The following P2RX3 variants were observed in gnomAD, a reference collection of about 807,000 sequenced individuals.
P2RX3 encodes purinergic receptor P2X 3, also known as P2X purinoceptor 3.
In P2RX3, 41 loss-of-function variants were observed where a neutral mutation model predicts 51.5. The observed-to-expected ratio is 0.80, with a 90% CI of 0.62 to 1.03. The LOEUF is 1.03. Ranked by LOEUF, P2RX3 falls within the 50% of genes least tolerant of loss-of-function variation. The pLI, the probability that P2RX3 is intolerant of heterozygous loss-of-function variation, is 0.00. For synonymous variants in P2RX3, 185 were observed against 191.6 expected (o/e 0.97, Z 0.29); for missense variants, 459 against 522.1 (o/e 0.88, Z 1.18).
intron 8 of P2RX3, among the ~76,000 whole-genome samples, chr11:57,359,123 C>A (rs551783506): frequency 6.6e-6 from 1 of 152,198 alleles, no homozygotes; most frequent in Non-Finnish European, 1.5e-5. Flanking sequence ...CCACTGTAGA[C>A]CTGCCGCCCC....
Position 57,346,676 on chromosome 11 carries a change from T to C in P2RX3, c.252T>C (p.Pro84=). 1.2e-6 allele frequency: 2 copies of C among 1,613,666 alleles called. No homozygotes were observed. The highest frequency in any genetic ancestry group is 1.7e-6 in the Non-Finnish European group (2 of 1,180,006). Residue 84 remains proline (P), a synonymous_variant, in exon 2 of 12, where the codon CCT becomes CCC. Coordinates refer to ENST00000263314, the MANE Select transcript of P2RX3 (RefSeq NM_002559.5). ...ATGTGTCTGATTACGTGACGCCACC[T>C]CAGGTATGGTACCCCTACCCAGAGA... ...VMDVSDYVTP[P]QGTSVFVIIT...
At chr11:57,345,012 G>A (rs1856406571) in intron 1 of P2RX3, among the ~76,000 whole-genome samples, 1 of 152,212 alleles carries the variant, frequency 6.6e-6, no homozygotes, top group African/African-American at 2.4e-5. Context: ...CAGCACACCT[G>A]CCAGGTGAGC....
At chr11:57,368,178 C>G in intron 9 of P2RX3, 76 bp downstream of exon 9, 1 of 1,478,520 alleles carries the variant, frequency 6.8e-7, no homozygotes, top group South Asian at 1.1e-5. Context: ...GAAAAAGCTC[C>G]TCTGGGGGGC....
At chr11:57,355,334 CTTTTTTTT>C (rs1201675322) in intron 8 of P2RX3, among the ~76,000 whole-genome samples, 1 of 117,344 alleles carries the variant, frequency 8.5e-6, no homozygotes, top group Non-Finnish European at 1.8e-5. Context: ...TATTTTATTT[CTTTTTTTT>C]TTTTTTTTTT....
intron 8 of P2RX3, among the ~76,000 whole-genome samples, chr11:57,352,250 A>C (rs1180730118): frequency 6.6e-6 from 1 of 152,220 alleles, no homozygotes; most frequent in East Asian, 1.9e-4. Context: ...TTAATAGTTT[A>C]AAATATACAT....
chr11:57,337,289 CAAAAAAAAAAAAA>C (rs36169095), upstream of P2RX3, among the ~76,000 whole-genome samples: 1 of 26,770 alleles, frequency 3.7e-5, no homozygotes, highest in Non-Finnish European at 6.9e-5. Context: ...GAGACTCTGT[CAAAAAAAAAAAAA>C]AAAAGAAAGA....
chr11:57,336,950 A>T (rs1205801238), upstream of P2RX3, among the ~76,000 whole-genome samples: 1 of 152,174 alleles, frequency 6.6e-6, no homozygotes, highest in Non-Finnish European at 1.5e-5. Flanking sequence ...TTGAGGGCCT[A>T]TTACTACTTT....
At chr11:57,355,330 A>C (rs1042171568) in intron 8 of P2RX3, among the ~76,000 whole-genome samples, 5 of 128,258 alleles carry the variant, frequency 3.9e-5, no homozygotes, top group African/African-American at 1.2e-4. Flanking sequence ...AGGATATTTT[A>C]TTTCTTTTTT....
At chr11:57,368,976 C>T (rs550028037) in intron 10 of P2RX3, among the ~76,000 whole-genome samples, 158 of 152,230 alleles carry the variant, frequency 1.0e-3, no homozygotes, top group African/African-American at 3.7e-3. Flanking sequence ...CCACCCTGGC[C>T]TGCAATCTGC....
Position 57,370,344 on chromosome 11 carries a change from C to A in P2RX3, c.*347C>A. ...CCAGGCACTTTCACACACGTTATCT[C>A]ATTTAATCCTTAGAATAATCCTATG... On this transcript the variant is annotated 3_prime_UTR_variant, in exon 12 of 12. Coordinates refer to ENST00000263314, the MANE Select transcript of P2RX3 (RefSeq NM_002559.5). 4.3e-6 allele frequency: 1 copy of A among 230,808 alleles called. No homozygotes were observed. Among genetic ancestry groups the A allele is most frequent in the Non-Finnish European group, 8.4e-6 (1 of 118,494 alleles). 14.3% of individuals were successfully genotyped at this position (230,808 alleles called of 1,614,324 possible).
intron 8 of P2RX3, among the ~76,000 whole-genome samples, chr11:57,364,794 G>A (rs773176005): frequency 4.6e-5 from 7 of 152,050 alleles, no homozygotes; most frequent in African/African-American, 1.4e-4. Flanking sequence ...TTTTAAAGCT[G>A]GTTTAGCCCC....
chr11:57,347,577 A>G lies in P2RX3; in HGVS notation c.391+99A>G, dbSNP rs76621611. On this transcript the variant is annotated intron_variant, in intron 4 of 11. Coordinates refer to ENST00000263314, the MANE Select transcript of P2RX3 (RefSeq NM_002559.5). ...GAGGGAGTGGGAACCAGCCTGTTCC[A>G]TGTCATTCTGCTGGCATTTACAGTT... 7,734 of 1,307,884 alleles carry G rather than the reference A, an allele frequency of 5.9e-3. 322 individuals are homozygous for G. In the African/African-American group the frequency reaches 0.095, roughly 16 times the overall value. The allele number at this position is 1,307,884 out of a possible 1,614,324, so 81.0% of individuals were successfully genotyped here. A position where few individuals can be genotyped will look rare whatever the true frequency, so the allele number is the denominator to read the frequency against.
chr11:57,342,883 T>G (rs56097876), intron 1 of P2RX3, among the ~76,000 whole-genome samples: 2 of 152,068 alleles, frequency 1.3e-5, no homozygotes, highest in East Asian at 3.9e-4. Flanking sequence ...CTTGGCTCCC[T>G]GGGGGCGGAT....
chr11:57,347,350 G>A (rs1423419323), intron 3 of P2RX3, 65 bp from the exon 4 acceptor site: 4 of 1,530,982 alleles, frequency 2.6e-6, no homozygotes, highest in Non-Finnish European at 3.5e-6. Flanking sequence ...GGAGGTCGAG[G>A]GAGTCGCGGA....
At chr11:57,350,671 AT>A in intron 7 of P2RX3, 90 bp from the exon 8 acceptor site, 1 of 1,532,660 alleles carries the variant, frequency 6.5e-7, no homozygotes, top group African/African-American at 1.4e-5. Flanking sequence ...GGAGGAAATC[AT>A]TTGTCACCAC....
intron 8 of P2RX3, among the ~76,000 whole-genome samples, chr11:57,365,638 G>A (rs1590641420): frequency 6.6e-6 from 1 of 152,194 alleles, no homozygotes; most frequent in Non-Finnish European, 1.5e-5. Flanking sequence ...CCTTCTAGCA[G>A]GGCATGAGCA....
chr11:57,362,718 C>T (rs968435038), intron 8 of P2RX3, among the ~76,000 whole-genome samples: 7 of 152,182 alleles, frequency 4.6e-5, no homozygotes, highest in African/African-American at 1.7e-4. Flanking sequence ...GTTTTGTGAC[C>T]TTAGACAAGT....
At position 57,359,400 on chromosome 11, in the gene P2RX3, G is replaced by C. The variant is rs571456588; in HGVS notation, c.842+8502G>C. 2.0e-5 allele frequency among the ~76,000 whole-genome samples: 3 copies of C among 152,306 alleles called. No homozygotes were observed. The South Asian group carries it at 6.2e-4, about 32-fold the overall frequency. ...GACCAGAGACTGGCTCCTGGGGCAA[G>C]TGCAGAGTCTCTGGCCCACCAGGTA... On this transcript the variant is annotated intron_variant, in intron 8 of 11. Coordinates refer to ENST00000263314, the MANE Select transcript of P2RX3 (RefSeq NM_002559.5).
intron 4 of P2RX3, 95 bp from the exon 5 acceptor site, chr11:57,348,075 C>G (rs1167371361): frequency 2.6e-6 from 3 of 1,137,114 alleles, no homozygotes; most frequent in Admixed American, 2.6e-5. Flanking sequence ...CCCCCACTTG[C>G]CAGGGTCCCT....
Sources: gnomAD v4.1 joint callset for allele counts (sites outside exome capture counted in the v4.1 genomes callset) on GRCh38, gnomAD v4.1.1 for gene constraint, MANE v1.5 for transcripts, NCBI Gene and HGNC (gene_info 2026-07-23, HGNC 2026-07-21) for gene names.